Variants in KLHDC4 observed in about 807,000 individuals in gnomAD.
The protein encoded by KLHDC4 is kelch domain-containing protein 4.
A neutral mutation model predicts 62.4 loss-of-function variants in KLHDC4; 90 were observed. The ratio of observed to expected loss-of-function variants is 1.44; its 90% CI spans 1.22 to 1.72. KLHDC4 has a LOEUF of 1.72. Among genes scored for constraint, KLHDC4 ranks in the 40% most tolerant of loss-of-function variants. The pLI is 0.00. For missense variants in KLHDC4, 1,025 were observed against 699.7 expected, an observed-to-expected ratio of 1.47 and a Z score of -5.25; for synonymous variants, 386 against 284.4, an observed-to-expected ratio of 1.36 and a Z score of -3.59.
intron 9 of KLHDC4, chr16:87,710,999 A>T: frequency 1.9e-6 from 1 of 528,570 alleles, no homozygotes; most frequent in East Asian, 3.1e-5. Context: ...GCCCAGGGCA[A>T]CTGGCTTCTG....
intron 8 of KLHDC4, among the ~76,000 whole-genome samples, chr16:87,711,816 C>T (rs1335384265): frequency 6.6e-6 from 1 of 151,464 alleles, no homozygotes; most frequent in Non-Finnish European, 1.5e-5. Flanking sequence ...CACGGGGACC[C>T]TTCGCCCAGG....
chr16:87,762,863 C>T (rs1435626831), intron 1 of KLHDC4, among the ~76,000 whole-genome samples: 1 of 152,116 alleles, frequency 6.6e-6, no homozygotes, highest in Non-Finnish European at 1.5e-5. Flanking sequence ...GTCCTGCTTG[C>T]AACTACACAC....
chr16:87,757,127 C>T (rs1399081741), intron 2 of KLHDC4, among the ~76,000 whole-genome samples: 2 of 151,742 alleles, frequency 1.3e-5, no homozygotes, highest in Non-Finnish European at 2.9e-5. Flanking sequence ...CAGAACTGTC[C>T]TCTTTTAAGA....
intron 5 of KLHDC4, among the ~76,000 whole-genome samples, chr16:87,738,553 T>TCATCCACACACCAGCACCTCATC (rs2041744624): frequency 1.3e-5 from 2 of 149,320 alleles, no homozygotes; most frequent in African/African-American, 4.9e-5. Context: ...CACCAGCACC[T>TCATCCACACACCAGCACCTCATC]CATCCACACA....
At chr16:87,747,840 G>T (rs578059425) in intron 5 of KLHDC4, 1 of 152,422 alleles carries the variant, frequency 6.6e-6, no homozygotes, top group African/African-American at 2.4e-5. Context: ...GGGCTCCAGG[G>T]AGCGCCGCTG....
intron 5 of KLHDC4, among the ~76,000 whole-genome samples, chr16:87,733,304 G>A (rs754379681): frequency 2.6e-5 from 4 of 152,354 alleles, no homozygotes; most frequent in African/African-American, 4.8e-5. Context: ...CCAGAGAGAG[G>A]AGCAACAAAA....
rs866180875 is a variant in KLHDC4 at position 87,711,263 on chromosome 16, C to T, written c.1016G>A (p.Arg339Lys). The T allele has an allele frequency of 6.2e-7, 1 of 1,614,164 alleles. No homozygotes were observed. Among genetic ancestry groups the T allele is most frequent in the Middle Eastern group, 1.6e-4 (1 of 6,062 alleles). The change falls in exon 9 of 12, where the codon AGG becomes AAG. Residue 339 changes from arginine (R) to lysine (K), a missense_variant. Arg to Lys is a conservative substitution (Grantham distance 26, BLOSUM62 2). Transcript: ENST00000270583. The part of the protein sequence containing the change: ...FNDLYFYDAT[R>K]NRWFEGQLKG... ...CAGCTGTCCCTCAAACCAACGGTTC[C>T]TGGTGGCGTCGTAGAAGTACAGATC... is the stretch of plus-strand genomic sequence containing the variant.
chr16:87,718,064 G>C (rs533119849), intron 7 of KLHDC4, among the ~76,000 whole-genome samples: 1 of 152,068 alleles, frequency 6.6e-6, no homozygotes, highest in African/African-American at 2.4e-5. Context: ...CCCATGGTTC[G>C]ACCTCCCCAA....
In KLHDC4 at chr16:87,759,645, C is replaced by T. The variant is rs2045562142; in HGVS notation, c.191+2304G>A. 4.0e-5 allele frequency among the ~76,000 whole-genome samples: 6 copies of T among 151,110 alleles called. No homozygotes were observed. The South Asian group carries it at 1.3e-3, about 32-fold the overall frequency. On this transcript the variant is annotated intron_variant, in intron 2 of 11. Coordinates refer to ENST00000270583, the MANE Select transcript of KLHDC4 (RefSeq NM_017566.4). ...CCTATTGTCCCAGCTACTCCGGAGG[C>T]TGAGGCAGGAGAATCACTTGAACCT...
intron 4 of KLHDC4, among the ~76,000 whole-genome samples, chr16:87,754,943 G>C (rs1233636690): frequency 6.6e-6 from 1 of 152,164 alleles, no homozygotes; most frequent in African/African-American, 2.4e-5. Flanking sequence ...CGACACACCA[G>C]GAACGACACG....
intron 4 of KLHDC4, chr16:87,750,745 CG>C (rs1479076227): frequency 6.6e-6 from 1 of 152,258 alleles, no homozygotes; most frequent in Admixed American, 6.5e-5. Context: ...CCCTCTGCAC[CG>C]ATGCGGTTCC....
intron 6 of KLHDC4, chr16:87,729,296 G>A (rs2039923742): frequency 6.6e-6 from 1 of 152,186 alleles, no homozygotes; most frequent in Non-Finnish European, 1.5e-5. Flanking sequence ...ACGAGAGGGT[G>A]CGACTGGACT....
chr16:87,762,937 C>G (rs1325922197), intron 1 of KLHDC4, among the ~76,000 whole-genome samples: 3 of 152,192 alleles, frequency 2.0e-5, no homozygotes. Context: ...CCTGGCCTCA[C>G]TCTCCAAGAT....
At chr16:87,744,198 C>G (rs2042675349) in intron 5 of KLHDC4, among the ~76,000 whole-genome samples, 1 of 151,802 alleles carries the variant, frequency 6.6e-6, no homozygotes. Context: ...GGGGGATCAC[C>G]TGAGGTCAGG....
chr16:87,703,709 G>A (rs1280205653), downstream of KLHDC4, among the ~76,000 whole-genome samples: 4 of 152,178 alleles, frequency 2.6e-5, no homozygotes, highest in Non-Finnish European at 2.9e-5. Context: ...CAAGGAAAAC[G>A]GGCGTGAGCT....
chr16:87,732,561 ATC>A (rs1461919149), intron 5 of KLHDC4, among the ~76,000 whole-genome samples: 2 of 152,246 alleles, frequency 1.3e-5, no homozygotes, highest in African/African-American at 4.8e-5. Context: ...AAATAATACA[ATC>A]ACACACAAAT....
intron 5 of KLHDC4, 92 bp from the exon 6 acceptor site, chr16:87,730,736 C>G: frequency 1.9e-6 from 2 of 1,079,566 alleles, no homozygotes; most frequent in Non-Finnish European, 2.8e-6. Context: ...AATTTTTACA[C>G]TGATTTCTGT....
At position 87,748,732 on chromosome 16, in the gene KLHDC4, G is replaced by C; in HGVS notation, c.447C>G (p.Phe149Leu). 1.2e-6 allele frequency: 2 copies of C among 1,613,546 alleles called. No individual in the cohort carries two copies. Among genetic ancestry groups the C allele is most frequent in the African/African-American group, 1.3e-5 (1 of 74,794 alleles). Residue 149 changes from phenylalanine to leucine, a missense_variant, in exon 5 of 12, where the codon TTC (phenylalanine) becomes TTG (leucine). By Grantham distance (22) the Phe-to-Leu change is conservative (BLOSUM62 0). Coordinates refer to ENST00000270583, the MANE Select transcript of KLHDC4 (RefSeq NM_017566.4). ...GEFASPNGEQ[F>L]YHYKDLWVLH... ...GGACCCAGAGATCCTTGTAGTGGTA[G>C]AACTGCTCTCCGTTGGGAGAGGCAA...
At chr16:87,746,805 T>TA (rs1417671671) in intron 5 of KLHDC4, among the ~76,000 whole-genome samples, 13 of 152,274 alleles carry the variant, frequency 8.5e-5, no homozygotes, top group South Asian at 8.3e-4. Flanking sequence ...GGATCACTAT[T>TA]AAAAAAAGTC....
Sources: allele counts gnomAD v4.1 joint callset (sites outside exome capture counted in the v4.1 genomes callset), GRCh38; gene constraint gnomAD v4.1.1; transcripts MANE v1.5; gene names NCBI Gene and HGNC (gene_info 2026-07-23, HGNC 2026-07-21).